Variants in CMC2 observed in about 807,000 individuals in gnomAD.
CMC2 encodes the protein COX assembly mitochondrial protein 2 homolog.
Under a neutral mutation model 7.5 loss-of-function variants are expected in CMC2, and 5 were observed. The ratio of observed to expected loss-of-function variants is 0.66; its 90% CI spans 0.35 to 1.40. The LOEUF is 1.40. CMC2 is among the 40% of genes most tolerant of loss of function. CMC2 has a pLI of 0.04. For missense variants in CMC2, 115 were observed against 92.3 expected (o/e 1.25, Z -1.01); for synonymous variants, 37 against 31.4 (o/e 1.18, Z -0.60).
intron 1 of CMC2, chr16:80,998,917 C>T (rs915048070): frequency 1.3e-5 from 2 of 148,796 alleles, no homozygotes; most frequent in African/African-American, 2.5e-5. Context: ...TAAAAACCCT[C>T]AACAAACTAG....
At chr16:81,006,630 T>A in intron 1 of CMC2, 104 bp downstream of exon 1, 3 of 882,674 alleles carry the variant, frequency 3.4e-6, no homozygotes, top group South Asian at 1.0e-4. Flanking sequence ...CCCCACCTCC[T>A]GGGGCCGACG....
intron 3 of CMC2, among the ~76,000 whole-genome samples, chr16:80,978,897 C>A (rs576646327): frequency 6.6e-6 from 1 of 151,898 alleles, no homozygotes; most frequent in African/African-American, 2.4e-5. Context: ...CTAGCTAACA[C>A]GGTGAAGCCC....
chr16:80,987,494 G>T (rs191259196), intron 2 of CMC2, among the ~76,000 whole-genome samples: 4 of 152,202 alleles, frequency 2.6e-5, no homozygotes, highest in Admixed American at 2.6e-4. Context: ...GGATTTCCAA[G>T]TAGCTTTGAC....
intron 1 of CMC2, among the ~76,000 whole-genome samples, chr16:81,002,879 A>C (rs1339528997): frequency 6.6e-6 from 1 of 152,158 alleles, no homozygotes; most frequent in Non-Finnish European, 1.5e-5. Context: ...AAAATGGTTT[A>C]ATTTCATTTC....
chr16:80,969,003 G>T lies in CMC2; in HGVS notation c.*7090C>A, dbSNP rs1014402207. ...GAAAACATAACACTTGCCAGCATAGGGAGGTAAGAGTAAGGCCAGTGTGAC... is the reference window on the plus strand; with the variant it reads ...GAAAACATAACACTTGCCAGCATAGTGAGGTAAGAGTAAGGCCAGTGTGAC... On this transcript the variant is annotated 3_prime_UTR_variant, in exon 4 of 4. Transcript: ENST00000219400. 6.6e-6 allele frequency: 1 copy of T among 152,206 alleles called. No individual in the cohort carries two copies. Among genetic ancestry groups the T allele is most frequent in the African/African-American group, 2.4e-5 (1 of 41,454 alleles). 9.4% of individuals were successfully genotyped at this position (152,206 alleles called of 1,614,324 possible). A position where few individuals can be genotyped will look rare whatever the true frequency, so the allele number is the denominator to read the frequency against.
Position 80,974,334 on chromosome 16 carries a change from C to T in CMC2, c.*1759G>A, listed in dbSNP as rs1358567036. 2 of 152,158 alleles carry T rather than the reference C, an allele frequency of 1.3e-5. No individual in the cohort carries two copies. Among genetic ancestry groups the T allele is most frequent in the Non-Finnish European group, 2.9e-5 (2 of 68,042 alleles). The allele number at this position is 152,158 out of a possible 1,614,324, so 9.4% of individuals were successfully genotyped here. On this transcript the variant is annotated 3_prime_UTR_variant, in exon 4 of 4. Transcript: ENST00000219400. ...CTTCCTTCCCCTCCAATTTATCCCC[C>T]AAACTATAACCAAAAAAACTTACTA...
intron 1 of CMC2, among the ~76,000 whole-genome samples, chr16:80,999,456 G>A (rs1019541274): frequency 6.6e-6 from 1 of 152,110 alleles, no homozygotes; most frequent in Non-Finnish European, 1.5e-5. Flanking sequence ...TCATGGATTG[G>A]GAGAATCAAT....
At chr16:80,979,681 T>C (rs1419113346) in intron 3 of CMC2, among the ~76,000 whole-genome samples, 2 of 152,000 alleles carry the variant, frequency 1.3e-5, no homozygotes, top group African/African-American at 2.4e-5. Context: ...AATGCAGTAA[T>C]GTGATCTGGG....
chr16:81,006,736 G>A lies in CMC2; in HGVS notation c.-38C>T, dbSNP rs796792692. The A allele has an allele frequency of 4.0e-5, 39 of 985,582 alleles. No individual in the cohort carries two copies. In the African/African-American group the frequency reaches 5.8e-4, roughly 15 times the overall value. 61.1% of individuals were successfully genotyped at this position (985,582 alleles called of 1,614,324 possible). A position where few individuals can be genotyped will look rare whatever the true frequency, so the allele number is the denominator to read the frequency against. ...CGGCCTGGACTCCCGAGACTCACCC[G>A]ACTCGTGGCCACACCGGGAGAACTG... On this transcript the variant is annotated splice_region_variant and 5_prime_UTR_variant, in exon 1 of 4. Transcript: ENST00000219400.
In CMC2 at chr16:80,973,522, G is replaced by A. The variant is rs1013556746; in HGVS notation, c.*2571C>T. ...ACTGGTTTAACCATAACTATTCACC[G>A]AATAACCAGAAAGATCTTTATAAAA... On this transcript the variant is annotated 3_prime_UTR_variant, in exon 4 of 4. Transcript: ENST00000219400. 15 of 152,194 alleles carry A rather than the reference G, an allele frequency of 9.9e-5. No homozygotes were observed. The highest frequency in any genetic ancestry group is 4.2e-4 in the South Asian group (2 of 4,816). The allele number at this position is 152,194 out of a possible 1,614,324, so 9.4% of individuals were successfully genotyped here.
At chr16:80,996,944 C>T (rs34075739) in intron 2 of CMC2, 1 of 423,658 alleles carries the variant, frequency 2.4e-6, no homozygotes, top group East Asian at 7.1e-5. Flanking sequence ...GAATGGTAGC[C>T]ATCAAAGAGC....
chr16:80,978,278 G>C, intron 3 of CMC2: 1 of 1,162,674 alleles, frequency 8.6e-7, no homozygotes, highest in Non-Finnish European at 1.1e-6. Context: ...CCAGCAATCA[G>C]GTTGAGAAGG....
chr16:80,997,752 C>T (rs1301210950), intron 1 of CMC2: 1 of 166,422 alleles, frequency 6.0e-6, no homozygotes, highest in African/African-American at 2.4e-5. Flanking sequence ...ATATTTTCGC[C>T]ACATTCTCGA....
In CMC2 at chr16:80,969,041, C is replaced by T. The variant is rs562832697; in HGVS notation, c.*7052G>A. 3.2e-4 allele frequency: 48 copies of T among 152,224 alleles called. No homozygotes were observed. Among genetic ancestry groups the T allele is most frequent in the African/African-American group, 1.1e-3 (47 of 41,542 alleles). 9.4% of individuals were successfully genotyped at this position (152,224 alleles called of 1,614,324 possible). ...AGGCCAGTGTGACTCACCTTGGGCTCTGAGCAGAAAAAATATGTTTCCCAT... is the reference window on the plus strand; with the variant it reads ...AGGCCAGTGTGACTCACCTTGGGCTTTGAGCAGAAAAAATATGTTTCCCAT... On this transcript the variant is annotated 3_prime_UTR_variant, in exon 4 of 4. Coordinates refer to ENST00000219400, the MANE Select transcript of CMC2 (RefSeq NM_020188.5).
intron 2 of CMC2, among the ~76,000 whole-genome samples, chr16:80,992,407 T>C (rs1054874566): frequency 6.6e-6 from 1 of 152,142 alleles, no homozygotes; most frequent in South Asian, 2.1e-4. Context: ...AAAGCAAATA[T>C]ACGGCAGTTT....
chr16:80,992,399 A>C (rs1256053243), intron 2 of CMC2, among the ~76,000 whole-genome samples: 1 of 152,204 alleles, frequency 6.6e-6, no homozygotes, highest in Non-Finnish European at 1.5e-5. Flanking sequence ...TGGATTAAAA[A>C]GCAAATATAC....
chr16:80,981,995 G>C (rs1967154691), intron 2 of CMC2, 118 bp from the exon 3 acceptor site: 2 of 598,364 alleles, frequency 3.3e-6, no homozygotes, highest in South Asian at 2.3e-5. Flanking sequence ...TAATAAACAA[G>C]TAATAGTTAA....
chr16:81,004,821 G>C (rs150563771), intron 1 of CMC2, among the ~76,000 whole-genome samples: 7 of 152,178 alleles, frequency 4.6e-5, no homozygotes, highest in Admixed American at 3.9e-4. Flanking sequence ...TCAACCACCA[G>C]GTGGCACAAT....
chr16:80,996,721 T>A (rs1185553663), intron 2 of CMC2, among the ~76,000 whole-genome samples: 3 of 152,178 alleles, frequency 2.0e-5, no homozygotes, highest in African/African-American at 7.2e-5. Context: ...GTGTCATATA[T>A]CAAACATATA....
Sources: gnomAD v4.1 joint callset for allele counts (sites outside exome capture counted in the v4.1 genomes callset) on GRCh38, gnomAD v4.1.1 for gene constraint, MANE v1.5 for transcripts, NCBI Gene and HGNC (gene_info 2026-07-23, HGNC 2026-07-21) for gene names.